IFT122: variants seen among roughly 807,000 people sequenced by gnomAD.
The protein encoded by IFT122 is intraflagellar transport 122.
In IFT122, 118 loss-of-function variants were observed where a neutral mutation model predicts 161.6. The observed-to-expected ratio is 0.73, with a 90% CI of 0.63 to 0.85. The LOEUF (loss-of-function observed/expected upper bound fraction) is 0.85. Among genes scored for constraint, IFT122 ranks in the 40% least tolerant of loss-of-function variants. IFT122 has a pLI of 0.00. For missense variants in IFT122, 1,381 were observed against 1,579.6 expected (o/e 0.87, Z 2.13); for synonymous variants, 550 against 602.4 (o/e 0.91, Z 1.27).
At chr3:129,503,618 G>A (rs1043501839) in intron 20 of IFT122, among the ~76,000 whole-genome samples, 4 of 152,006 alleles carry the variant, frequency 2.6e-5, no homozygotes, top group African/African-American at 7.2e-5. Context: ...TGAAAGCAAA[G>A]CCTTCACTGA....
rs771174610 is a variant in IFT122, at chr3:129,519,066, C to T, written c.3392-41C>T. 5.8e-6 allele frequency: 9 copies of T among 1,556,318 alleles called. No individual in the cohort carries two copies. The South Asian group carries it at 8.9e-5, about 15-fold the overall frequency. ...TAGGGTGGAGGCTAGGGTCTGTCTC[C>T]ATCTCTGCTTCTGATTCCATCCTTG... On this transcript the variant is annotated intron_variant, in intron 27 of 29. Coordinates refer to ENST00000348417, the MANE Select transcript of IFT122 (RefSeq NM_052989.3).
intron 26 of IFT122, among the ~76,000 whole-genome samples, chr3:129,516,705 CACACACACACACACACACACAG>C (rs2083787299): frequency 7.5e-5 from 8 of 106,238 alleles, no homozygotes; most frequent in Admixed American, 9.5e-5. Context: ...CACACACACA[CACACACACACACACACACACAG>C]AGAGACTGCC....
intron 9 of IFT122, among the ~76,000 whole-genome samples, chr3:129,471,655 C>T (rs2077384295): frequency 6.6e-6 from 1 of 152,228 alleles, no homozygotes; most frequent in South Asian, 2.1e-4. Flanking sequence ...CAACCTTAAC[C>T]TGCTGAGATG....
chr3:129,516,694 G>GCGCGCGCACA (rs1243629398), intron 26 of IFT122, among the ~76,000 whole-genome samples: 2 of 50,184 alleles, frequency 4.0e-5, no homozygotes, highest in South Asian at 1.1e-3. Context: ...GATTGCTCCT[G>GCGCGCGCACA]CACACACACA....
At chr3:129,458,213 G>C (rs1363694514) in intron 3 of IFT122, among the ~76,000 whole-genome samples, 2 of 152,046 alleles carry the variant, frequency 1.3e-5, no homozygotes, top group African/African-American at 2.4e-5. Context: ...AGTAAATCAG[G>C]TTCCCCAGTT....
intron 17 of IFT122, 110 bp from the exon 18 acceptor site, chr3:129,495,336 C>T: frequency 6.8e-7 from 1 of 1,464,472 alleles, no homozygotes; most frequent in Non-Finnish European, 9.2e-7. Flanking sequence ...GCCCAGGTTC[C>T]AGTAGGAAGG....
intron 7 of IFT122, among the ~76,000 whole-genome samples, chr3:129,465,553 C>G (rs2076659785): frequency 6.6e-6 from 1 of 150,840 alleles, no homozygotes; most frequent in Non-Finnish European, 1.5e-5. Context: ...TCACTGCAAC[C>G]TCCACCTCTC....
At chr3:129,464,525 G>A in intron 6 of IFT122, 110 bp from the exon 7 acceptor site, 2 of 1,275,552 alleles carry the variant, frequency 1.6e-6, no homozygotes, top group East Asian at 2.3e-5. Flanking sequence ...TATCCCAGCT[G>A]TTGCTGCCTC....
chr3:129,500,750 G>A (rs1263932095), intron 19 of IFT122, among the ~76,000 whole-genome samples: 5 of 152,190 alleles, frequency 3.3e-5, no homozygotes. Context: ...GGGAATGGGA[G>A]GGTGAAGGAC....
intron 13 of IFT122, among the ~76,000 whole-genome samples, chr3:129,480,389 A>T (rs1421759188): frequency 9.2e-5 from 14 of 152,180 alleles, no homozygotes; most frequent in African/African-American, 3.4e-4. Context: ...GGCCAGTTAG[A>T]TGTGGGATAT....
Position 129,519,397 on chromosome 3 carries a change from C to T in IFT122, c.3472-171C>T, listed in dbSNP as rs188500852. Reference sequence around the variant, plus strand: ...ATGGCCAAGGGCGCAGGTCTGTGGACAGGGAGGCAGCTTCAGCTCTGGTGG... The same window carrying T: ...ATGGCCAAGGGCGCAGGTCTGTGGATAGGGAGGCAGCTTCAGCTCTGGTGG... On this transcript the variant is annotated intron_variant, in intron 28 of 29. Transcript: ENST00000348417. Among the ~76,000 whole-genome samples, 134 of 152,334 alleles carry T rather than the reference C, an allele frequency of 8.8e-4. 1 individual carries two copies. Among genetic ancestry groups the T allele is most frequent in the Admixed American group, 1.3e-3 (20 of 15,304 alleles).
chr3:129,515,199 T>C, intron 25 of IFT122: 1 of 551,786 alleles, frequency 1.8e-6, no homozygotes, highest in South Asian at 2.0e-5. Context: ...GGCTGGCTAA[T>C]GGTGGCAGCG....
At position 129,440,347 on chromosome 3, in the gene IFT122, C is replaced by G; in HGVS notation, c.17C>G (p.Thr6Arg). The G allele has an allele frequency of 3.9e-6, 6 of 1,550,868 alleles. No individual in the cohort carries two copies. The highest frequency in any genetic ancestry group is 5.2e-6 in the Non-Finnish European group (6 of 1,146,838). Residue 6 changes from threonine to arginine, a missense_variant, in exon 1 of 30, where the codon ACG becomes AGG. Transcript: ENST00000348417. MRAVL[T>R]WRDKAEHCIN... ...GAAGCCGTGATGAGGGCCGTGTTGA[C>G]GTGGAGAGATAAAGCCGAGCACTGG...
At chr3:129,486,708 A>G (rs1273860879) in intron 15 of IFT122, among the ~76,000 whole-genome samples, 3 of 152,218 alleles carry the variant, frequency 2.0e-5, no homozygotes, top group Admixed American at 1.3e-4. Context: ...GAGAAAATAC[A>G]GTGAAGGTAA....
intron 12 of IFT122, 57 bp downstream of exon 12, chr3:129,478,275 G>T (rs571156327): frequency 7.0e-7 from 1 of 1,438,430 alleles, no homozygotes; most frequent in African/African-American, 1.4e-5. Flanking sequence ...TCCCCCCCCA[G>T]TGATAGGGTG....
chr3:129,454,823 C>T (rs768799179), intron 3 of IFT122, among the ~76,000 whole-genome samples: 1 of 152,126 alleles, frequency 6.6e-6, no homozygotes, highest in South Asian at 2.1e-4. Flanking sequence ...GGCATTTGCA[C>T]AGCACTTTGC....
At chr3:129,460,324 T>C (rs2076083152) in intron 4 of IFT122, among the ~76,000 whole-genome samples, 1 of 152,242 alleles carries the variant, frequency 6.6e-6, no homozygotes, top group Non-Finnish European at 1.5e-5. Context: ...GTTTGTTCTT[T>C]TGTGGCTGAG....
At chr3:129,453,614 A>C (rs1403906081) in intron 3 of IFT122, among the ~76,000 whole-genome samples, 1 of 152,214 alleles carries the variant, frequency 6.6e-6, no homozygotes, top group Non-Finnish European at 1.5e-5. Flanking sequence ...GTAGGAGGGC[A>C]AGGGAGCAGA....
chr3:129,486,029 C>T lies in IFT122; in HGVS notation c.1852-2228C>T, dbSNP rs1263184075. The stretch of plus-strand genomic sequence containing the variant: ...GGGCTGCCAAGTAGGACAACGAGCC[C>T]TAGGAGGGCTTCTCAAGGCGGTGGT... On this transcript the variant is annotated intron_variant, in intron 15 of 29. Transcript: ENST00000348417. 2.0e-5 allele frequency among the ~76,000 whole-genome samples: 3 copies of T among 152,304 alleles called. No individual in the cohort carries two copies. The South Asian group carries it at 6.2e-4, about 32-fold the overall frequency.
Sources: allele counts gnomAD v4.1 joint callset (sites outside exome capture counted in the v4.1 genomes callset), GRCh38; gene constraint gnomAD v4.1.1; transcripts MANE v1.5; gene names NCBI Gene and HGNC (gene_info 2026-07-23, HGNC 2026-07-21).